Variants in GRIK2 observed in about 807,000 individuals in gnomAD.
GRIK2 encodes the protein glutamate ionotropic receptor kainate type subunit 2.
A neutral mutation model predicts 100.3 loss-of-function variants in GRIK2; 32 were observed. That is an observed-to-expected ratio of 0.32 (90% CI 0.24 to 0.43). The LOEUF is 0.43. Among genes scored for constraint, GRIK2 ranks in the 20% least tolerant of loss-of-function variants. GRIK2 has a pLI of 1.00. For synonymous variants in GRIK2, 417 were observed against 389.4 expected (o/e 1.07, Z -0.83); for missense variants, 843 against 1,114.9 (o/e 0.76, Z 3.47).
At chr6:101,989,033 T>C (rs975260905) in intron 14 of GRIK2, among the ~76,000 whole-genome samples, 4 of 151,996 alleles carry the variant, frequency 2.6e-5, no homozygotes, top group Non-Finnish European at 5.9e-5. Context: ...AGTCCATACT[T>C]GTTATTTTTG....
At chr6:101,938,072 A>C (rs1224730121) in intron 14 of GRIK2, among the ~76,000 whole-genome samples, 1 of 152,064 alleles carries the variant, frequency 6.6e-6, no homozygotes, top group African/African-American at 2.4e-5. Flanking sequence ...AAACAGTAAT[A>C]TCACTTTGTT....
chr6:101,417,155 C>G (rs894895535), intron 2 of GRIK2, among the ~76,000 whole-genome samples: 1 of 152,086 alleles, frequency 6.6e-6, no homozygotes, highest in African/African-American at 2.4e-5. Context: ...GGGGAACTGC[C>G]CTTTATGAAA....
chr6:101,762,210 TG>T, intron 7 of GRIK2, among the ~76,000 whole-genome samples: 1 of 151,626 alleles, frequency 6.6e-6, no homozygotes, highest in South Asian at 2.1e-4. Flanking sequence ...GGTGTCACTC[TG>T]TTGCCCAGGC....
intron 2 of GRIK2, among the ~76,000 whole-genome samples, chr6:101,484,066 C>G (rs1313716716): frequency 6.6e-6 from 1 of 152,096 alleles, no homozygotes; most frequent in Non-Finnish European, 1.5e-5. Context: ...TCTTTTTTCT[C>G]TTTATAACTT....
intron 2 of GRIK2, among the ~76,000 whole-genome samples, chr6:101,441,506 A>G (rs566705236): frequency 3.1e-4 from 47 of 152,294 alleles, no homozygotes; most frequent in African/African-American, 1.1e-3. Context: ...TACCCAGAAC[A>G]CGGTATTATG....
intron 15 of GRIK2, among the ~76,000 whole-genome samples, chr6:102,046,470 G>A (rs1308524604): frequency 1.3e-5 from 2 of 151,918 alleles, no homozygotes; most frequent in African/African-American, 2.4e-5. Context: ...GAGATCTGAT[G>A]GTTAAAAAGT....
chr6:101,797,430 A>C (rs943887283), intron 7 of GRIK2, among the ~76,000 whole-genome samples: 2 of 151,536 alleles, frequency 1.3e-5, no homozygotes, highest in African/African-American at 4.8e-5. Flanking sequence ...CACTTTTCCC[A>C]ACCTTGGTTT....
chr6:101,405,400 G>A (rs1251606885), intron 2 of GRIK2, among the ~76,000 whole-genome samples: 3 of 150,964 alleles, frequency 2.0e-5, no homozygotes, highest in African/African-American at 4.9e-5. Flanking sequence ...TTAAAATTGA[G>A]CATATACAGT....
chr6:101,742,785 G>A lies in GRIK2; in HGVS notation c.951+56432G>A, dbSNP rs555831048. On this transcript the variant is annotated intron_variant, in intron 7 of 16. Coordinates refer to ENST00000369134, the MANE Select transcript of GRIK2 (RefSeq NM_021956.5). Reference sequence around the variant, plus strand: ...GCTTTTAGCTAGCAGGTTTCAAAGAGAATAGGCTGTAAAATGTTTTTTATC... The same window carrying A: ...GCTTTTAGCTAGCAGGTTTCAAAGAAAATAGGCTGTAAAATGTTTTTTATC... Among the ~76,000 whole-genome samples the A allele has an allele frequency of 5.3e-5, 8 of 152,266 alleles. No individual in the cohort carries two copies. The South Asian group carries it at 1.7e-3, about 32-fold the overall frequency.
chr6:101,647,029 T>C (rs1582887176), intron 4 of GRIK2, among the ~76,000 whole-genome samples: 1 of 151,996 alleles, frequency 6.6e-6, no homozygotes, highest in African/African-American at 2.4e-5. Flanking sequence ...TCTGTTTTCA[T>C]GGCAACTCTG....
At chr6:102,056,364 A>T (rs1169432818) in intron 16 of GRIK2, among the ~76,000 whole-genome samples, 1 of 151,996 alleles carries the variant, frequency 6.6e-6, no homozygotes. Flanking sequence ...TATGATGAAG[A>T]CTAGGAAAAT....
chr6:101,652,351 G>A (rs1582896228), intron 4 of GRIK2, among the ~76,000 whole-genome samples: 1 of 152,086 alleles, frequency 6.6e-6, no homozygotes, highest in Non-Finnish European at 1.5e-5. Flanking sequence ...GATACAAAAA[G>A]GTGGCCCTCC....
chr6:101,399,983 G>T (rs1775200328), intron 2 of GRIK2, among the ~76,000 whole-genome samples: 1 of 152,196 alleles, frequency 6.6e-6, no homozygotes, highest in Non-Finnish European at 1.5e-5. Context: ...AATGTTCTAA[G>T]ATTCGAGGTT....
At chr6:101,939,440 C>G (rs1246642305) in intron 14 of GRIK2, among the ~76,000 whole-genome samples, 1 of 151,934 alleles carries the variant, frequency 6.6e-6, no homozygotes, top group Non-Finnish European at 1.5e-5. Context: ...AACCATTTCC[C>G]CCAATATGAA....
At chr6:101,987,292 T>G (rs2128491036) in intron 14 of GRIK2, among the ~76,000 whole-genome samples, 1 of 151,974 alleles carries the variant, frequency 6.6e-6, no homozygotes, top group African/African-American at 2.4e-5. Flanking sequence ...GTGGCTACAT[T>G]TTACATTGGT....
At chr6:101,937,767 G>A (rs1303887968) in intron 14 of GRIK2, among the ~76,000 whole-genome samples, 1 of 151,772 alleles carries the variant, frequency 6.6e-6, no homozygotes, top group South Asian at 2.1e-4. Context: ...TCTATTGATC[G>A]TTTTGGGGGT....
chr6:101,900,819 T>G (rs1787799271), intron 12 of GRIK2, among the ~76,000 whole-genome samples: 1 of 152,056 alleles, frequency 6.6e-6, no homozygotes, highest in South Asian at 2.1e-4. Context: ...ATTAGTTAAT[T>G]CAATTTAAAT....
intron 10 of GRIK2, among the ~76,000 whole-genome samples, chr6:101,830,180 A>G (rs1276538297): frequency 6.6e-6 from 1 of 152,040 alleles, no homozygotes; most frequent in African/African-American, 2.4e-5. Context: ...ATGGAAAAGG[A>G]TATCTTATTC....
intron 14 of GRIK2, among the ~76,000 whole-genome samples, chr6:101,948,900 G>C (rs1452580862): frequency 1.3e-5 from 2 of 152,078 alleles, no homozygotes; most frequent in African/African-American, 4.8e-5. Flanking sequence ...TTGCACCTGG[G>C]CACATTTACA....
Sources: allele counts gnomAD v4.1 joint callset (sites outside exome capture counted in the v4.1 genomes callset), GRCh38; gene constraint gnomAD v4.1.1; transcripts MANE v1.5; gene names NCBI Gene and HGNC (gene_info 2026-07-23, HGNC 2026-07-21).